The following MSH3 variants were observed in gnomAD, a reference collection of about 807,000 sequenced individuals.
MSH3 encodes the protein mutS homolog 3, also known as DNA mismatch repair protein Msh3.
Under a neutral mutation model 123.3 loss-of-function variants are expected in MSH3, and 106 were observed. The ratio of observed to expected loss-of-function variants is 0.86; its 90% CI spans 0.73 to 1.01. MSH3 has a LOEUF of 1.01. Ranked by LOEUF, MSH3 falls within the 50% of genes least tolerant of loss-of-function variation. MSH3 has a pLI of 0.00. For missense variants in MSH3, 1,459 were observed against 1,347.6 expected (o/e 1.08, Z -1.29); for synonymous variants, 515 against 481.4 (o/e 1.07, Z -0.91).
At chr5:80,708,885 C>T (rs973412191) in intron 8 of MSH3, among the ~76,000 whole-genome samples, 4 of 151,940 alleles carry the variant, frequency 2.6e-5, no homozygotes, top group African/African-American at 9.7e-5. Flanking sequence ...AGCGATTTTC[C>T]TGCCTCACCG....
intron 21 of MSH3, among the ~76,000 whole-genome samples, chr5:80,859,842 A>G (rs186643519): frequency 1.1e-4 from 17 of 151,396 alleles, no homozygotes; most frequent in African/African-American, 4.1e-4. Context: ...CCTCCCAGGT[A>G]GCTGGGAGTA....
At chr5:80,768,544 A>G (rs2112884893) in intron 14 of MSH3, among the ~76,000 whole-genome samples, 1 of 152,282 alleles carries the variant, frequency 6.6e-6, no homozygotes, top group East Asian at 1.9e-4. Flanking sequence ...TGTAAATGAA[A>G]TAGGATTTGA....
At chr5:80,766,213 G>A (rs1322106168) in intron 13 of MSH3, among the ~76,000 whole-genome samples, 5 of 151,388 alleles carry the variant, frequency 3.3e-5, no homozygotes, top group African/African-American at 4.9e-5. Flanking sequence ...TTGTGTCTCC[G>A]TTTTCCTTAA....
chr5:80,825,313 A>G (rs1273602384), intron 20 of MSH3, among the ~76,000 whole-genome samples: 1 of 152,182 alleles, frequency 6.6e-6, no homozygotes, highest in Non-Finnish European at 1.5e-5. Context: ...GAAACAATGC[A>G]TGGAAGTATT....
At chr5:80,727,108 A>G (rs1321347337) in intron 9 of MSH3, among the ~76,000 whole-genome samples, 2 of 152,324 alleles carry the variant, frequency 1.3e-5, no homozygotes, top group Middle Eastern at 3.4e-3. Context: ...CAGTTGACAA[A>G]AGTCAACGCA....
At chr5:80,806,512 AATT>A (rs1328639557) in intron 19 of MSH3, among the ~76,000 whole-genome samples, 1 of 152,216 alleles carries the variant, frequency 6.6e-6, no homozygotes, top group African/African-American at 2.4e-5. Flanking sequence ...CAGTTTATGG[AATT>A]ATTTATCATA....
intron 8 of MSH3, among the ~76,000 whole-genome samples, chr5:80,722,430 C>T (rs1027014032): frequency 9.8e-5 from 15 of 152,302 alleles, no homozygotes; most frequent in Non-Finnish European, 1.9e-4. Flanking sequence ...CATCAATATA[C>T]ATAAGATAAG....
chr5:80,716,652 A>G (rs983633795), intron 8 of MSH3, among the ~76,000 whole-genome samples: 7 of 152,150 alleles, frequency 4.6e-5, no homozygotes, highest in African/African-American at 1.4e-4. Flanking sequence ...TGATATTTTC[A>G]TATGTGTATA....
intron 8 of MSH3, among the ~76,000 whole-genome samples, chr5:80,685,760 G>T (rs1650748): frequency 0.73 from 110,508 of 151,794 alleles, 40,334 homozygotes; most frequent in African/African-American, 0.81. Context: ...TATTTGAAAT[G>T]TTTCCTCTTT....
chr5:80,664,112 G>T (rs745684450), intron 2 of MSH3, among the ~76,000 whole-genome samples: 1 of 152,160 alleles, frequency 6.6e-6, no homozygotes, highest in Non-Finnish European at 1.5e-5. Flanking sequence ...CTGCCAATTG[G>T]CAGACTGTGA....
At chr5:80,656,866 A>G (rs1749304257) in intron 2 of MSH3, among the ~76,000 whole-genome samples, 1 of 152,196 alleles carries the variant, frequency 6.6e-6, no homozygotes, top group African/African-American at 2.4e-5. Context: ...GATAGACCCC[A>G]TAATCCCTCC....
chr5:80,709,517 G>A (rs995345520), intron 8 of MSH3, among the ~76,000 whole-genome samples: 16 of 152,086 alleles, frequency 1.1e-4, no homozygotes, highest in African/African-American at 3.6e-4. Flanking sequence ...AGCTACTCCG[G>A]AGGCTGAGGC....
At chr5:80,828,253 C>G (rs1745355684) in intron 20 of MSH3, among the ~76,000 whole-genome samples, 1 of 152,168 alleles carries the variant, frequency 6.6e-6, no homozygotes, top group African/African-American at 2.4e-5. Flanking sequence ...GAAAACCAAA[C>G]TGGCTTTTAC....
At chr5:80,742,793 A>T (rs887359194) in intron 11 of MSH3, among the ~76,000 whole-genome samples, 8 of 152,162 alleles carry the variant, frequency 5.3e-5, no homozygotes, top group African/African-American at 1.9e-4. Context: ...AAGTAGTAGG[A>T]ATAAAGAGAC....
At chr5:80,699,482 C>T (rs1305559490) in intron 8 of MSH3, among the ~76,000 whole-genome samples, 2 of 148,230 alleles carry the variant, frequency 1.3e-5, no homozygotes, top group Non-Finnish European at 3.0e-5. Flanking sequence ...GGCTTGAACC[C>T]GGGAGGTGGA....
At chr5:80,711,081 G>C (rs1329494861) in intron 8 of MSH3, among the ~76,000 whole-genome samples, 1 of 152,194 alleles carries the variant, frequency 6.6e-6, no homozygotes, top group Non-Finnish European at 1.5e-5. Flanking sequence ...ATAATCAAAA[G>C]TGTAGAAAAA....
intron 8 of MSH3, among the ~76,000 whole-genome samples, chr5:80,703,875 G>C: frequency 6.6e-6 from 1 of 151,910 alleles, no homozygotes; most frequent in East Asian, 1.9e-4. Context: ...GCAGAGAGTG[G>C]GCAGCCTGAT....
intron 20 of MSH3, among the ~76,000 whole-genome samples, chr5:80,848,986 T>C (rs983910738): frequency 6.6e-6 from 1 of 152,174 alleles, no homozygotes; most frequent in Non-Finnish European, 1.5e-5. Context: ...AATCAAAAGC[T>C]AGTTAGTTAC....
At chr5:80,728,821 TA>T (rs1277976005) in intron 9 of MSH3, 29 bp from the exon 10 acceptor site, 1 of 1,171,602 alleles carries the variant, frequency 8.5e-7, no homozygotes, top group Non-Finnish European at 1.3e-6. Flanking sequence ...AAAGAATTTT[TA>T]TAACAAGTTA....
Sources: gnomAD v4.1 joint callset for allele counts (sites outside exome capture counted in the v4.1 genomes callset) on GRCh38, gnomAD v4.1.1 for gene constraint, MANE v1.5 for transcripts, NCBI Gene and HGNC (gene_info 2026-07-23, HGNC 2026-07-21) for gene names.